KLHL32: variants seen among roughly 807,000 people sequenced by gnomAD.
KLHL32 encodes the protein kelch like family member 32, also known as kelch-like protein 32.
Under a neutral mutation model 64.8 loss-of-function variants are expected in KLHL32, and 35 were observed. The ratio of observed to expected loss-of-function variants is 0.54; its 90% CI spans 0.41 to 0.72. The LOEUF is 0.72. Among genes scored for constraint, KLHL32 ranks in the 30% least tolerant of loss-of-function variants. The probability of loss-of-function intolerance (pLI) is 0.00; values close to 1 mark genes in which losing one functional copy is unlikely to be tolerated. For missense variants in KLHL32, 589 were observed against 768.5 expected (o/e 0.77, Z 2.76); for synonymous variants, 259 against 281.0 (o/e 0.92, Z 0.78).
At chr6:97,136,130 CTGA>C (rs1447954765) in intron 10 of KLHL32, among the ~76,000 whole-genome samples, 1 of 152,168 alleles carries the variant, frequency 6.6e-6, no homozygotes, top group Non-Finnish European at 1.5e-5. Context: ...AAGAGCATGG[CTGA>C]TTAATGGAAG....
intron 5 of KLHL32, among the ~76,000 whole-genome samples, chr6:97,077,247 C>G (rs1411232284): frequency 6.6e-6 from 1 of 152,150 alleles, no homozygotes; most frequent in African/African-American, 2.4e-5. Flanking sequence ...ACAGAACTTC[C>G]CCTTTCTCAC....
chr6:96,966,572 G>T (rs1282650086), intron 1 of KLHL32, among the ~76,000 whole-genome samples: 1 of 152,060 alleles, frequency 6.6e-6, no homozygotes, highest in Non-Finnish European at 1.5e-5. Flanking sequence ...TAGCCATGAG[G>T]TACTTGATTT....
At chr6:97,069,178 G>T (rs1466267452) in intron 5 of KLHL32, among the ~76,000 whole-genome samples, 1 of 152,170 alleles carries the variant, frequency 6.6e-6, no homozygotes, top group Non-Finnish European at 1.5e-5. Flanking sequence ...TCACTCAGAA[G>T]CCAAGGAGGA....
chr6:96,898,884 T>G, the KLHL32 span, among the ~76,000 whole-genome samples: 1 of 152,210 alleles, frequency 6.6e-6, no homozygotes, highest in East Asian at 1.9e-4. Context: ...TTACTGTGGC[T>G]GCAAAATCTA....
intron 5 of KLHL32, among the ~76,000 whole-genome samples, chr6:97,084,473 G>A (rs1416289163): frequency 6.6e-6 from 1 of 152,154 alleles, no homozygotes; most frequent in Non-Finnish European, 1.5e-5. Context: ...GGGAAGAATG[G>A]AATGTCTGAG....
rs112223220 is a variant in KLHL32, at chr6:97,060,826, C to G, written c.313-3802C>G. On this transcript the variant is annotated intron_variant, in intron 4 of 10. Coordinates refer to ENST00000369261, the MANE Select transcript of KLHL32 (RefSeq NM_052904.4). ...TTCTCCTGCACTTGTGGGTTTTACA[C>G]TATTACTTTGTCACACCATTCTGTG... Among the ~76,000 whole-genome samples the G allele has an allele frequency of 7.4e-3, 1,125 of 152,240 alleles. 13 individuals are homozygous for G. The highest frequency in any genetic ancestry group is 0.024 in the African/African-American group (1,012 of 41,536).
intron 1 of KLHL32, among the ~76,000 whole-genome samples, chr6:96,950,321 A>G (rs1252006648): frequency 1.3e-5 from 2 of 152,122 alleles, no homozygotes; most frequent in African/African-American, 2.4e-5. Context: ...TCATTCTAGC[A>G]AAGAGAAGAG....
At chr6:96,993,888 A>C (rs1778153349) in intron 3 of KLHL32, among the ~76,000 whole-genome samples, 1 of 152,120 alleles carries the variant, frequency 6.6e-6, no homozygotes, top group Non-Finnish European at 1.5e-5. Flanking sequence ...AGGGAACCGG[A>C]GTCTTTTATA....
chr6:97,040,485 A>T (rs1784951884), intron 3 of KLHL32, among the ~76,000 whole-genome samples: 1 of 152,166 alleles, frequency 6.6e-6, no homozygotes, highest in South Asian at 2.1e-4. Flanking sequence ...AGTGGGCATG[A>T]GAGTCACCTG....
upstream of KLHL32, chr6:96,924,704 C>T (rs1768915806): frequency 6.6e-6 from 1 of 152,172 alleles, no homozygotes; most frequent in South Asian, 2.1e-4. Context: ...GACGTGCCAC[C>T]TGCAGTGCTG....
At chr6:97,124,314 C>T (rs1798667348) in intron 7 of KLHL32, among the ~76,000 whole-genome samples, 1 of 152,046 alleles carries the variant, frequency 6.6e-6, no homozygotes, top group African/African-American at 2.4e-5. Context: ...TTTTTACTCC[C>T]AACTAGTAAC....
At position 97,132,780 on chromosome 6, in the gene KLHL32, C is replaced by A. The variant is rs375039277; in HGVS notation, c.1701+33C>A. Reference sequence around the variant, plus strand: ...GTAGAAGTTCCTTTTGAAGTTTGTTCAAGTGGTTCAGCGAGGTTACATTTT... The same window carrying A: ...GTAGAAGTTCCTTTTGAAGTTTGTTAAAGTGGTTCAGCGAGGTTACATTTT... On this transcript the variant is annotated intron_variant, in intron 10 of 10. Transcript: ENST00000369261. The A allele has an allele frequency of 2.9e-5, 42 of 1,471,024 alleles. 1 individual carries two copies. The Middle Eastern group carries it at 6.9e-4, about 24-fold the overall frequency. The allele number at this position is 1,471,024 out of a possible 1,614,324, so 91.1% of individuals were successfully genotyped here.
chr6:97,113,583 G>A (rs1239218909), intron 6 of KLHL32, among the ~76,000 whole-genome samples, 200 bp from the exon 7 acceptor site: 1 of 152,148 alleles, frequency 6.6e-6, no homozygotes, highest in Admixed American at 6.5e-5. Context: ...CTACAGCAAT[G>A]TCTTGAGTGC....
At chr6:97,106,732 G>C (rs1796462524) in intron 6 of KLHL32, among the ~76,000 whole-genome samples, 1 of 148,638 alleles carries the variant, frequency 6.7e-6, no homozygotes, top group African/African-American at 2.5e-5. Flanking sequence ...TGACAGAGGA[G>C]ACCCTGTCTC....
intron 7 of KLHL32, 199 bp downstream of exon 7, chr6:97,114,708 C>A: frequency 1.6e-6 from 1 of 641,496 alleles, no homozygotes; most frequent in Non-Finnish European, 2.7e-6. Flanking sequence ...CTGTGACTTT[C>A]TGAGTGACTA....
chr6:97,128,338 T>C (rs1436988250), intron 8 of KLHL32, among the ~76,000 whole-genome samples: 3 of 152,222 alleles, frequency 2.0e-5, no homozygotes, highest in Non-Finnish European at 4.4e-5. Context: ...CATTAGAAGC[T>C]GTAGATTTCA....
In KLHL32 at chr6:97,083,090, T is replaced by C. The variant is rs142355704; in HGVS notation, c.412-2036T>C. 4.5e-4 allele frequency among the ~76,000 whole-genome samples: 69 copies of C among 152,250 alleles called. 1 individual carries two copies. The East Asian group carries it at 0.012, about 27-fold the overall frequency. On this transcript the variant is annotated intron_variant, in intron 5 of 10. Transcript: ENST00000369261. ...CCAACCCTATGAGCTTGTTGAGCTC[T>C]TAAATTTGTACTTGGGGAAGGCTGG...
the KLHL32 span, among the ~76,000 whole-genome samples, chr6:96,917,161 A>C: frequency 1.3e-5 from 2 of 152,232 alleles, no homozygotes; most frequent in African/African-American, 4.8e-5. Context: ...AATTAACCAA[A>C]CTTAAACAGA....
At chr6:97,065,942 A>G (rs1319094775) in intron 5 of KLHL32, among the ~76,000 whole-genome samples, 1 of 152,158 alleles carries the variant, frequency 6.6e-6, no homozygotes, top group Non-Finnish European at 1.5e-5. Context: ...TGGAATTCTT[A>G]TGATTATTTG....
Sources: allele counts gnomAD v4.1 joint callset (sites outside exome capture counted in the v4.1 genomes callset), GRCh38; gene constraint gnomAD v4.1.1; transcripts MANE v1.5; gene names NCBI Gene and HGNC (gene_info 2026-07-23, HGNC 2026-07-21).